Variants in SGMS1 observed in about 807,000 individuals in gnomAD.
SGMS1 encodes the protein sphingomyelin synthase 1, also known as phosphatidylcholine:ceramide cholinephosphotransferase 1.
SGMS1 carries 13 observed loss-of-function variants against 46.2 expected under a neutral mutation model. The ratio of observed to expected loss-of-function variants is 0.28; its 90% confidence interval spans 0.18 to 0.45. SGMS1 has a LOEUF of 0.45. SGMS1 is among the 20% of genes least tolerant of loss of function. The probability of loss-of-function intolerance (pLI) is 1.00; values close to 1 mark genes in which losing one functional copy is unlikely to be tolerated. For missense variants in SGMS1, 324 were observed against 519.9 expected (o/e 0.62, Z 3.66); for synonymous variants, 203 against 187.8 (o/e 1.08, Z -0.66).
chr10:50,465,906 A>G (rs1024944935), intron 4 of SGMS1, among the ~76,000 whole-genome samples: 3 of 152,022 alleles, frequency 2.0e-5, no homozygotes, highest in Non-Finnish European at 2.9e-5. Flanking sequence ...GAGACATCTC[A>G]ACTTATATCA....
In SGMS1 at chr10:50,315,113, A is replaced by T. The variant is rs1288996718; in HGVS notation, c.742-3698T>A. On this transcript the variant is annotated intron_variant, in intron 8 of 10. Coordinates refer to ENST00000361781, the MANE Select transcript of SGMS1 (RefSeq NM_147156.4). Reference sequence around the variant, plus strand: ...CACATTAAGATTTGAGAAGCCCTGAACCAGCCTACAGCTGTTTACCAAATT... The same window carrying T: ...CACATTAAGATTTGAGAAGCCCTGATCCAGCCTACAGCTGTTTACCAAATT... Among the ~76,000 whole-genome samples the T allele has an allele frequency of 2.0e-5, 3 of 152,200 alleles. No individual in the cohort carries two copies. In the East Asian group the frequency reaches 5.8e-4, roughly 29 times the overall value.
At chr10:50,440,379 T>A (rs1849528685) in intron 5 of SGMS1, among the ~76,000 whole-genome samples, 1 of 151,856 alleles carries the variant, frequency 6.6e-6, no homozygotes, top group African/African-American at 2.4e-5. Flanking sequence ...AAAAACAAAT[T>A]AAAAGTAAAT....
chr10:50,333,608 C>T (rs772311180), intron 7 of SGMS1, among the ~76,000 whole-genome samples: 4 of 152,190 alleles, frequency 2.6e-5, no homozygotes, highest in Admixed American at 1.3e-4. Context: ...TGGCTACAGA[C>T]TCCATTTAGG....
At chr10:50,319,024 A>G (rs1847396066) in intron 8 of SGMS1, among the ~76,000 whole-genome samples, 1 of 152,152 alleles carries the variant, frequency 6.6e-6, no homozygotes, top group African/African-American at 2.4e-5. Flanking sequence ...ATGGATTTCT[A>G]TTACCCATAT....
At chr10:50,322,458 C>T (rs1041621166) in intron 8 of SGMS1, among the ~76,000 whole-genome samples, 6 of 152,226 alleles carry the variant, frequency 3.9e-5, no homozygotes, top group Admixed American at 6.5e-5. Context: ...ACCTTACCAA[C>T]GGGAAGCTTA....
At chr10:50,472,039 G>C (rs1837383214) in intron 3 of SGMS1, among the ~76,000 whole-genome samples, 1 of 151,974 alleles carries the variant, frequency 6.6e-6, no homozygotes, top group African/African-American at 2.4e-5. Context: ...TTATTGTCAA[G>C]ACCACCTTTA....
chr10:50,436,507 A>C (rs1390608828), intron 5 of SGMS1, among the ~76,000 whole-genome samples: 3 of 152,202 alleles, frequency 2.0e-5, no homozygotes, highest in Non-Finnish European at 2.9e-5. Flanking sequence ...TATCACTGGA[A>C]TATAAGCAAT....
intron 3 of SGMS1, among the ~76,000 whole-genome samples, chr10:50,518,311 T>G (rs1004833704): frequency 2.6e-5 from 4 of 152,166 alleles, no homozygotes; most frequent in African/African-American, 7.2e-5. Context: ...GAAATACAAG[T>G]TATAATTTCC....
At chr10:50,436,298 G>A (rs182621869) in intron 5 of SGMS1, among the ~76,000 whole-genome samples, 5,191 of 151,872 alleles carry the variant, frequency 0.034, 296 homozygotes, top group African/African-American at 0.12. Context: ...TAGTAGAGAC[G>A]GGGTTTCACC....
intron 3 of SGMS1, among the ~76,000 whole-genome samples, chr10:50,481,829 T>C (rs980074448): frequency 1.3e-5 from 2 of 152,128 alleles, no homozygotes; most frequent in Middle Eastern, 3.2e-3. Context: ...GAGAGGAACA[T>C]ATATGACCTG....
At chr10:50,502,972 A>G (rs1837674464) in intron 3 of SGMS1, among the ~76,000 whole-genome samples, 1 of 152,246 alleles carries the variant, frequency 6.6e-6, no homozygotes, top group Non-Finnish European at 1.5e-5. Context: ...AAAATATCAT[A>G]TGAAACCATG....
At chr10:50,340,079 C>A (rs1042217281) in intron 7 of SGMS1, among the ~76,000 whole-genome samples, 1 of 152,102 alleles carries the variant, frequency 6.6e-6, no homozygotes, top group Non-Finnish European at 1.5e-5. Context: ...TGGCCAGATA[C>A]GAGGAAGAAA....
chr10:50,455,741 T>A (rs1169733894), intron 5 of SGMS1, among the ~76,000 whole-genome samples: 1 of 152,232 alleles, frequency 6.6e-6, no homozygotes, highest in African/African-American at 2.4e-5. Context: ...ACAGACTGTC[T>A]GGCTGAATTT....
chr10:50,545,506 G>A (rs1838093648), intron 2 of SGMS1, among the ~76,000 whole-genome samples: 1 of 151,574 alleles, frequency 6.6e-6, no homozygotes, highest in South Asian at 2.1e-4. Flanking sequence ...GTGTGATCTC[G>A]GCTCACTGCA....
chr10:50,418,971 A>T (rs940467876), intron 6 of SGMS1, among the ~76,000 whole-genome samples: 4 of 152,260 alleles, frequency 2.6e-5, no homozygotes, highest in African/African-American at 9.6e-5. Context: ...TAAGCAATGC[A>T]TAAATTTTAA....
intron 2 of SGMS1, among the ~76,000 whole-genome samples, chr10:50,521,719 A>T (rs1183090590): frequency 1.3e-5 from 2 of 152,106 alleles, no homozygotes; most frequent in Non-Finnish European, 2.9e-5. Context: ...TCCTCAGGTG[A>T]TTCCTGAGGA....
intron 6 of SGMS1, among the ~76,000 whole-genome samples, chr10:50,422,742 A>C (rs1228309506): frequency 2.0e-5 from 3 of 152,258 alleles, no homozygotes; most frequent in Non-Finnish European, 2.9e-5. Context: ...AAGACAATTC[A>C]TAAATCCTAG....
chr10:50,330,511 TA>T (rs141622488), intron 7 of SGMS1, among the ~76,000 whole-genome samples: 1,949 of 151,756 alleles, frequency 0.013, 49 homozygotes, highest in African/African-American at 0.044. Context: ...GAAAAGGGGT[TA>T]AAAAAAATTA....
intron 3 of SGMS1, among the ~76,000 whole-genome samples, chr10:50,494,211 A>G (rs1429119475): frequency 1.3e-5 from 2 of 152,384 alleles, no homozygotes; most frequent in African/African-American, 2.4e-5. Flanking sequence ...ATTGTGGAAG[A>G]AAGTGTGTTG....
Sources: gnomAD v4.1 joint callset for allele counts (sites outside exome capture counted in the v4.1 genomes callset) on GRCh38, gnomAD v4.1.1 for gene constraint, MANE v1.5 for transcripts, NCBI Gene and HGNC (gene_info 2026-07-23, HGNC 2026-07-21) for gene names.